IFT140: variants seen among roughly 807,000 people sequenced by gnomAD.
IFT140 encodes intraflagellar transport 140, also known as intraflagellar transport protein 140 homolog.
Under a neutral mutation model 164.6 loss-of-function variants are expected in IFT140, and 133 were observed. That is an observed-to-expected ratio of 0.81 (90% confidence interval 0.70 to 0.93). The LOEUF (loss-of-function observed/expected upper bound fraction) is 0.93. Ranked by LOEUF, IFT140 falls within the 40% of genes least tolerant of loss-of-function variation. The pLI is 0.00. For synonymous variants in IFT140, 860 were observed against 817.3 expected (o/e 1.05, Z -0.89); for missense variants, 2,045 against 1,972.3 (o/e 1.04, Z -0.70).
At chr16:1,558,855 T>C (rs2033250179) in intron 18 of IFT140, among the ~76,000 whole-genome samples, 1 of 152,246 alleles carries the variant, frequency 6.6e-6, no homozygotes, top group African/African-American at 2.4e-5. Flanking sequence ...GTATCTGCTA[T>C]TCTGTGACTT....
chr16:1,511,119 C>T lies in IFT140; in HGVS notation c.4214G>A (p.Arg1405Gln), dbSNP rs558519810. The change falls in exon 31 of 31, where the codon CGG becomes CAG. Residue 1405 changes from arginine to glutamine, a missense_variant. Arg to Gln is a conservative substitution (Grantham distance 43, BLOSUM62 1). Transcript: ENST00000426508. ...GTAGGACATGTTGGCCAAGGGAAGCCGCCGCCGCATCTCCTCCAGGAATCT... is the reference window on the plus strand; with the variant it reads ...GTAGGACATGTTGGCCAAGGGAAGCTGCCGCCGCATCTCCTCCAGGAATCT... ...AYRFLEEMRR[R>Q]LPLANMSYYV... The T allele has an allele frequency of 1.7e-4, 280 of 1,608,952 alleles. No individual in the cohort carries two copies. The highest frequency in any genetic ancestry group is 2.1e-4 in the Non-Finnish European group (242 of 1,178,596).
intron 13 of IFT140, chr16:1,577,976 T>G (rs983088882): frequency 6.7e-6 from 1 of 149,810 alleles, no homozygotes; most frequent in East Asian, 2.0e-4. Context: ...CAGCAACAAG[T>G]GTGCTTGCTC....
intron 6 of IFT140, 137 bp from the exon 7 acceptor site, chr16:1,589,917 C>T (rs1031439090): frequency 1.3e-6 from 1 of 763,788 alleles, no homozygotes; most frequent in Non-Finnish European, 2.0e-6. Flanking sequence ...TAAAAATGGG[C>T]CGGGCAAAGT....
chr16:1,540,620 A>C (rs1482009057), intron 19 of IFT140, among the ~76,000 whole-genome samples: 1 of 152,146 alleles, frequency 6.6e-6, no homozygotes, highest in Non-Finnish European at 1.5e-5. Context: ...GAATGCGGGC[A>C]CAGGGACCTG....
At chr16:1,590,699 G>A (rs1343729342) in intron 6 of IFT140, among the ~76,000 whole-genome samples, 3 of 152,126 alleles carry the variant, frequency 2.0e-5, no homozygotes, top group Admixed American at 2.0e-4. Context: ...AGACTCCTCT[G>A]GGAGCCTTCT....
intron 13 of IFT140, chr16:1,576,606 C>A (rs59783459): frequency 0.19 from 26,994 of 142,214 alleles, 3,128 homozygotes; most frequent in African/African-American, 0.33. Context: ...AAAAAAAAAA[C>A]AAATTTTGAC....
rs887849947 is a variant in IFT140 at position 1,569,153 on chromosome 16, C to T, written c.1653-819G>A. Reference sequence around the variant, plus strand: ...CCGAGTAGCTGGGCCTACAGGCGCCCGCCACCGCGCCCGGCTAATTTATTT... The same window carrying T: ...CCGAGTAGCTGGGCCTACAGGCGCCTGCCACCGCGCCCGGCTAATTTATTT... On this transcript the variant is annotated intron_variant, in intron 14 of 30. Coordinates refer to ENST00000426508, the MANE Select transcript of IFT140 (RefSeq NM_014714.4). Among the ~76,000 whole-genome samples the T allele has an allele frequency of 4.6e-5, 7 of 152,050 alleles. No homozygotes were observed. In the South Asian group the frequency reaches 6.2e-4, roughly 14 times the overall value.
Position 1,519,980 on chromosome 16 carries a change from A to G in IFT140, c.3941T>C (p.Leu1314Pro). 1 of 1,606,522 alleles carries G rather than the reference A, an allele frequency of 6.2e-7. No homozygotes were observed. Among genetic ancestry groups the G allele is most frequent in the South Asian group, 1.1e-5 (1 of 90,182 alleles). ...HGALTEAYKC[L>P]AKAKAKSPLD... ...GGGGCTCTTGGCCTTGGCCTTGGCC[A>G]GGCACTTGTAGGCCTCGGTCAGCGC... Residue 1314 changes from leucine (L) to proline (P), a missense_variant, in exon 29 of 31, where the codon CTG (leucine) becomes CCG (proline). Transcript: ENST00000426508.
chr16:1,587,393 A>G, intron 8 of IFT140, 89 bp from the exon 9 acceptor site: 1 of 787,022 alleles, frequency 1.3e-6, no homozygotes, highest in Non-Finnish European at 2.2e-6. Flanking sequence ...GCAAACATTA[A>G]AAGTCAGGAA....
chr16:1,536,404 C>T (rs1163542854), intron 19 of IFT140, among the ~76,000 whole-genome samples: 2 of 152,222 alleles, frequency 1.3e-5, no homozygotes, highest in Non-Finnish European at 2.9e-5. Context: ...CACCTGCCTG[C>T]GTCCACTGCT....
chr16:1,607,985 A>G (rs1030025643), intron 2 of IFT140, among the ~76,000 whole-genome samples: 6 of 152,230 alleles, frequency 3.9e-5, no homozygotes, highest in African/African-American at 1.4e-4. Flanking sequence ...ACTGCTCCAG[A>G]AAAGAGTACT....
intron 19 of IFT140, among the ~76,000 whole-genome samples, chr16:1,540,398 T>A (rs2031519856): frequency 6.6e-6 from 1 of 152,222 alleles, no homozygotes; most frequent in Non-Finnish European, 1.5e-5. Flanking sequence ...CCCCTGAGCC[T>A]TGATGCCAGC....
chr16:1,534,244 TC>T, intron 19 of IFT140: 1 of 1,605,934 alleles, frequency 6.2e-7, no homozygotes. Context: ...GACTTGGCTT[TC>T]TCCGGATAAG....
chr16:1,520,372 A>AAG, intron 27 of IFT140, 29 bp from the exon 28 acceptor site: 1 of 1,609,000 alleles, frequency 6.2e-7, no homozygotes. Flanking sequence ...GGGCTCAGGC[A>AAG]AGCAGGGGCT....
chr16:1,606,741 T>G (rs2036080551), intron 3 of IFT140, among the ~76,000 whole-genome samples: 1 of 152,194 alleles, frequency 6.6e-6, no homozygotes, highest in Non-Finnish European at 1.5e-5. Context: ...ATTACAGGCG[T>G]GAGCCACTGC....
chr16:1,581,294 G>A (rs1299863722), intron 12 of IFT140, among the ~76,000 whole-genome samples: 2 of 152,150 alleles, frequency 1.3e-5, no homozygotes, highest in Non-Finnish European at 1.5e-5. Flanking sequence ...TACTTTTGCA[G>A]CAACATAATA....
intron 2 of IFT140, among the ~76,000 whole-genome samples, chr16:1,609,783 A>ATCTCCTCCT: frequency 6.6e-6 from 1 of 152,324 alleles, no homozygotes; most frequent in South Asian, 2.1e-4. Context: ...AGGAGGAGAG[A>ATCTCCTCCT]TGGCTGACAA....
rs148557575 is a variant in IFT140, at chr16:1,526,069, G to A, written c.2586C>T (p.Ala862=). Residue 862 remains alanine (A), a synonymous_variant, in exon 21 of 31, where the codon GCC becomes GCT. Coordinates refer to ENST00000426508, the MANE Select transcript of IFT140 (RefSeq NM_014714.4). ...LATQLGMLED[A]EQLYRKCKRH... The stretch of plus-strand genomic sequence containing the variant: ...GCTTGCACTTCCTGTACAGCTGCTC[G>A]GCGTCCTCCTGAGGAATGAGGATGG... 2.9e-4 allele frequency: 454 copies of A among 1,586,684 alleles called. 2 individuals are homozygous for A. The highest frequency in any genetic ancestry group is 3.5e-4 in the Non-Finnish European group (403 of 1,166,838).
At chr16:1,534,362 C>G (rs2030834532) in intron 19 of IFT140, 6 of 1,612,766 alleles carry the variant, frequency 3.7e-6, no homozygotes, top group African/African-American at 1.3e-5. Flanking sequence ...TCACCTCCAA[C>G]TGGGTGTGCC....
Sources: gnomAD v4.1 joint callset for allele counts (sites outside exome capture counted in the v4.1 genomes callset) on GRCh38, gnomAD v4.1.1 for gene constraint, MANE v1.5 for transcripts, NCBI Gene and HGNC (gene_info 2026-07-23, HGNC 2026-07-21) for gene names.